Variants in MACROD2 observed in about 807,000 individuals in gnomAD.
The protein encoded by MACROD2 is mono-ADP ribosylhydrolase 2, also known as ADP-ribose glycohydrolase MACROD2.
In MACROD2, 36 loss-of-function variants were observed where a neutral mutation model predicts 70.4. That is an observed-to-expected ratio of 0.51 (90% CI 0.39 to 0.68). The LOEUF (loss-of-function observed/expected upper bound fraction) is 0.68. Ranked by LOEUF, MACROD2 falls within the 30% of genes least tolerant of loss-of-function variation. The probability of loss-of-function intolerance (pLI) is 0.00; values close to 1 mark genes in which losing one functional copy is unlikely to be tolerated. For missense variants in MACROD2, 496 were observed against 538.4 expected, an observed-to-expected ratio of 0.92 and a Z score of 0.78; for synonymous variants, 172 against 178.8, an observed-to-expected ratio of 0.96 and a Z score of 0.30.
chr20:15,578,350 A>T (rs986906585), intron 8 of MACROD2, among the ~76,000 whole-genome samples: 1 of 152,154 alleles, frequency 6.6e-6, no homozygotes, highest in Non-Finnish European at 1.5e-5. Context: ...TTGCCGGGTG[A>T]CTTAGAACAT....
intron 5 of MACROD2, among the ~76,000 whole-genome samples, chr20:15,018,529 C>A (rs2075139084): frequency 6.6e-6 from 1 of 152,124 alleles, no homozygotes; most frequent in Non-Finnish European, 1.5e-5. Context: ...TTCAGCAGCA[C>A]CCCACTGTAC....
chr20:15,040,509 A>G (rs560196598), intron 5 of MACROD2, among the ~76,000 whole-genome samples: 3 of 152,150 alleles, frequency 2.0e-5, no homozygotes, highest in African/African-American at 7.2e-5. Flanking sequence ...TACCAGTGGT[A>G]TGTCACTGAA....
In MACROD2 at chr20:15,927,399, CAAGA is replaced by C. The variant is rs148432855; in HGVS notation, c.776-5872_776-5869del. Reference sequence around the variant, plus strand: ...GCAGAGGTCTCAGGAATCTGCAAGGCAAGAAAGAGAGACTCCAGGATTTGGCATG... The same window carrying C: ...GCAGAGGTCTCAGGAATCTGCAAGGCAAGAGAGACTCCAGGATTTGGCATG... On this transcript the variant is annotated intron_variant, in intron 10 of 17. Coordinates refer to ENST00000684519, the MANE Select transcript of MACROD2 (RefSeq NM_001351661.2). Among the ~76,000 whole-genome samples the C allele has an allele frequency of 2.0e-5, 3 of 152,222 alleles. No individual in the cohort carries two copies. In the East Asian group the frequency reaches 5.8e-4, roughly 29 times the overall value.
At chr20:14,529,669 G>T (rs1182256713) in intron 4 of MACROD2, among the ~76,000 whole-genome samples, 1 of 152,136 alleles carries the variant, frequency 6.6e-6, no homozygotes, top group Non-Finnish European at 1.5e-5. Context: ...TCCCTAGAAG[G>T]ATTGAGTTTC....
intron 4 of MACROD2, among the ~76,000 whole-genome samples, chr20:14,597,103 T>C (rs907509306): frequency 2.0e-5 from 3 of 152,170 alleles, no homozygotes; most frequent in African/African-American, 7.2e-5. Flanking sequence ...ATAAAAGATA[T>C]ATTTTATTGA....
chr20:15,934,026 A>C (rs756186977), intron 11 of MACROD2, among the ~76,000 whole-genome samples: 1 of 152,174 alleles, frequency 6.6e-6, no homozygotes, highest in Non-Finnish European at 1.5e-5. Context: ...CTTCCTATCC[A>C]TTTTTGTACT....
chr20:15,160,007 A>G (rs6131646), intron 5 of MACROD2, among the ~76,000 whole-genome samples: 9,208 of 152,192 alleles, frequency 0.061, 423 homozygotes, highest in East Asian at 0.25. Flanking sequence ...ATGGCTTAAT[A>G]GGAACAAAAT....
At chr20:15,889,695 T>C (rs1197700665) in intron 10 of MACROD2, among the ~76,000 whole-genome samples, 1 of 152,178 alleles carries the variant, frequency 6.6e-6, no homozygotes, top group Non-Finnish European at 1.5e-5. Context: ...GTCCTTTCAT[T>C]TCCATGACTA....
chr20:14,485,148 A>G (rs2084707498), intron 3 of MACROD2, among the ~76,000 whole-genome samples: 1 of 152,022 alleles, frequency 6.6e-6, no homozygotes, highest in South Asian at 2.1e-4. Flanking sequence ...CAGTATGTGG[A>G]TACACACACA....
chr20:14,906,086 G>A (rs1600801516), intron 5 of MACROD2: 1 of 152,132 alleles, frequency 6.6e-6, no homozygotes, highest in Admixed American at 6.5e-5. Flanking sequence ...AATTACTGGG[G>A]AAAAGTGATG....
intron 8 of MACROD2, among the ~76,000 whole-genome samples, chr20:15,660,324 A>C (rs1385923686): frequency 6.6e-6 from 1 of 152,188 alleles, no homozygotes; most frequent in Non-Finnish European, 1.5e-5. Flanking sequence ...TTCATTTGAC[A>C]TGTGTTAATT....
intron 5 of MACROD2, among the ~76,000 whole-genome samples, chr20:14,705,767 T>C (rs751031435): frequency 1.3e-5 from 2 of 152,206 alleles, no homozygotes; most frequent in African/African-American, 2.4e-5. Context: ...GTTTTAAAGT[T>C]ATTGTCAGTA....
At chr20:15,041,116 G>A (rs1005003606) in intron 5 of MACROD2, among the ~76,000 whole-genome samples, 4 of 152,138 alleles carry the variant, frequency 2.6e-5, no homozygotes, top group African/African-American at 7.2e-5. Context: ...TCCATGAATT[G>A]TGCAGTTATG....
intron 6 of MACROD2, among the ~76,000 whole-genome samples, chr20:15,358,807 G>T (rs1007007122): frequency 2.2e-5 from 3 of 139,432 alleles, no homozygotes; most frequent in Non-Finnish European, 4.5e-5. Context: ...AAGAGCTCTT[G>T]TTCCTTTTTT....
chr20:14,914,124 G>A (rs2074061591), intron 5 of MACROD2, among the ~76,000 whole-genome samples: 1 of 152,170 alleles, frequency 6.6e-6, no homozygotes, highest in Non-Finnish European at 1.5e-5. Context: ...ACTCTTTGTA[G>A]CTGAAATATG....
intron 8 of MACROD2, among the ~76,000 whole-genome samples, chr20:15,672,385 A>ACACG: frequency 6.7e-6 from 1 of 150,314 alleles, no homozygotes; most frequent in East Asian, 1.9e-4. Flanking sequence ...ACACACACAC[A>ACACG]CGTAGAGTCA....
At chr20:14,325,482 A>G in intron 3 of MACROD2, 1 of 1,445,460 alleles carries the variant, frequency 6.9e-7, no homozygotes, top group Non-Finnish European at 9.3e-7. Flanking sequence ...GTTTTGCAGT[A>G]GAACAGGGTT....
At chr20:15,802,042 T>G (rs1161607028) in intron 8 of MACROD2, among the ~76,000 whole-genome samples, 1 of 152,164 alleles carries the variant, frequency 6.6e-6, no homozygotes, top group East Asian at 1.9e-4. Flanking sequence ...ATTTTTATAT[T>G]AATTTTGTAT....
At chr20:15,260,255 C>T (rs1348839878) in intron 6 of MACROD2, among the ~76,000 whole-genome samples, 1 of 151,034 alleles carries the variant, frequency 6.6e-6, no homozygotes, top group African/African-American at 2.4e-5. Flanking sequence ...ACTTTTGTGC[C>T]CATTAACCAT....
Sources: gnomAD v4.1 joint callset for allele counts (sites outside exome capture counted in the v4.1 genomes callset) on GRCh38, gnomAD v4.1.1 for gene constraint, MANE v1.5 for transcripts, NCBI Gene and HGNC (gene_info 2026-07-23, HGNC 2026-07-21) for gene names.